Variants in ESCO2 observed in about 807,000 individuals in gnomAD.
ESCO2 encodes the protein establishment of sister chromatid cohesion N-acetyltransferase 2, also known as N-acetyltransferase ESCO2.
Under a neutral mutation model 61.7 loss-of-function variants are expected in ESCO2, and 51 were observed. The ratio of observed to expected loss-of-function variants is 0.83; its 90% CI spans 0.66 to 1.04. The LOEUF (loss-of-function observed/expected upper bound fraction) is 1.04. ESCO2 is among the 50% of genes least tolerant of loss of function. ESCO2 has a pLI of 0.00. For synonymous variants in ESCO2, 230 were observed against 238.2 expected, an observed-to-expected ratio of 0.97 and a Z score of 0.32; for missense variants, 692 against 686.2, an observed-to-expected ratio of 1.01 and a Z score of -0.09.
Position 27,803,388 on chromosome 8 carries a change from A to T in ESCO2, c.1756A>T (p.Thr586Ser). 6.2e-7 allele frequency: 1 copy of T among 1,614,024 alleles called. No individual in the cohort carries two copies. The highest frequency in any genetic ancestry group is 8.5e-7 in the Non-Finnish European group (1 of 1,179,906). ...AACACCAGATGGCAAGTTATTTGCA[A>T]CCAAGTACTGCAACACCCCTAATTT... ...DPTPDGKLFA[T>S]KYCNTPNFLV... The change falls in exon 11 of 11, where the codon ACC (threonine) becomes TCC (serine). Residue 586 changes from threonine to serine, a missense_variant. Thr to Ser is a moderately conservative substitution (Grantham distance 58, BLOSUM62 1). Coordinates refer to ENST00000305188, the MANE Select transcript of ESCO2 (RefSeq NM_001017420.3).
chr8:27,782,238 C>A (rs1037327797), intron 4 of ESCO2, among the ~76,000 whole-genome samples: 2 of 152,060 alleles, frequency 1.3e-5, no homozygotes, highest in Non-Finnish European at 2.9e-5. Flanking sequence ...TTAATTCATA[C>A]CCCTGTGAGA....
At chr8:27,782,961 A>T (rs1385990037) in intron 4 of ESCO2, among the ~76,000 whole-genome samples, 1 of 151,974 alleles carries the variant, frequency 6.6e-6, no homozygotes, top group Non-Finnish European at 1.5e-5. Flanking sequence ...CTACCTCAGT[A>T]GCCTGGTTGA....
intron 5 of ESCO2, among the ~76,000 whole-genome samples, chr8:27,785,291 C>T (rs1401783874): frequency 6.6e-6 from 1 of 152,200 alleles, no homozygotes. Flanking sequence ...GGCCCCACCT[C>T]CCAAAACTGT....
intron 4 of ESCO2, among the ~76,000 whole-genome samples, chr8:27,781,056 T>C (rs1363722114): frequency 1.3e-5 from 2 of 152,192 alleles, no homozygotes; most frequent in Non-Finnish European, 2.9e-5. Flanking sequence ...TTTAGTACAT[T>C]GTCTAAGTCA....
intron 5 of ESCO2, among the ~76,000 whole-genome samples, chr8:27,784,840 A>G (rs908359113): frequency 6.6e-6 from 1 of 152,186 alleles, no homozygotes; most frequent in Non-Finnish European, 1.5e-5. Context: ...TCCCGGCTAC[A>G]TTTTCCTTAC....
intron 9 of ESCO2, among the ~76,000 whole-genome samples, chr8:27,795,197 C>T (rs1188179226): frequency 1.3e-5 from 2 of 152,276 alleles, no homozygotes; most frequent in East Asian, 3.9e-4. Context: ...CATCTTCTTT[C>T]ATCAGTGTTT....
chr8:27,791,828 T>C, intron 7 of ESCO2, 135 bp from the exon 8 acceptor site: 1 of 781,676 alleles, frequency 1.3e-6, no homozygotes, highest in Non-Finnish European at 2.1e-6. Context: ...CACATTACTT[T>C]TAGTTGGATT....
intron 4 of ESCO2, 22 bp from the exon 5 acceptor site, chr8:27,783,978 A>T (rs758117001): frequency 1.9e-6 from 3 of 1,592,138 alleles, no homozygotes; most frequent in Non-Finnish European, 2.6e-6. Flanking sequence ...AATACACATT[A>T]TCATGATTTT....
At chr8:27,773,996 A>G (rs1199927234), upstream of ESCO2, among the ~76,000 whole-genome samples, 1 of 152,228 alleles carries the variant, frequency 6.6e-6, no homozygotes, top group Admixed American at 6.5e-5. Context: ...TAAGAAGTAA[A>G]TGAAACAAAA....
At chr8:27,772,192 G>C, upstream of ESCO2, 1 of 482,928 alleles carries the variant, frequency 2.1e-6, no homozygotes, top group Non-Finnish European at 3.7e-6. Context: ...CTTGGGATAA[G>C]GTGTGTGGAG....
intron 7 of ESCO2, 93 bp from the exon 8 acceptor site, chr8:27,791,870 T>C (rs1805182707): frequency 9.7e-7 from 1 of 1,033,116 alleles, no homozygotes; most frequent in Non-Finnish European, 1.5e-6. Flanking sequence ...TATTATTGTT[T>C]AGCCTTTTGT....
intron 5 of ESCO2, among the ~76,000 whole-genome samples, chr8:27,784,973 A>G (rs984906804): frequency 2.0e-5 from 3 of 152,094 alleles, no homozygotes; most frequent in South Asian, 2.1e-4. Context: ...GTCATCTTTC[A>G]TGACCTTTTA....
intron 1 of ESCO2, 74 bp from the exon 2 acceptor site, chr8:27,775,425 A>T: frequency 1.6e-6 from 2 of 1,264,920 alleles, no homozygotes; most frequent in Non-Finnish European, 2.3e-6. Flanking sequence ...GAAATAGACT[A>T]ATTAAAGGGG....
rs1262117826 is a variant in ESCO2, at chr8:27,792,741, TA to T, written c.1432del (p.Thr478LeufsTer11). 2 of 1,610,994 alleles carry T rather than the reference TA, an allele frequency of 1.2e-6. No individual in the cohort carries two copies. The highest frequency in any genetic ancestry group is 3.4e-5 in the Admixed American group (2 of 59,428). ...QQVVPKCPNKIKTFLFISDEK... is the reference protein window; with the variant it reads ...QQVVPKCPNKXKTFLFISDEK... ...GTTGTTCCTAAATGTCCAAACAAAATAAAAACTTTTCTTTTTATATCTGATG... is the reference window on the plus strand; with the variant it reads ...GTTGTTCCTAAATGTCCAAACAAAATAAAACTTTTCTTTTTATATCTGATG... On this transcript the variant is annotated frameshift_variant, in exon 9 of 11. Coordinates refer to ENST00000305188, the MANE Select transcript of ESCO2 (RefSeq NM_001017420.3). LOFTEE classifies it high-confidence loss of function.
downstream of ESCO2, among the ~76,000 whole-genome samples, chr8:27,806,661 C>G (rs1405775042): frequency 6.6e-6 from 1 of 151,294 alleles, no homozygotes; most frequent in African/African-American, 2.4e-5. Context: ...CTCTTGTTGC[C>G]CAGGCTGGAG....
At chr8:27,790,257 C>CT (rs1209096364) in intron 7 of ESCO2, among the ~76,000 whole-genome samples, 1 of 152,152 alleles carries the variant, frequency 6.6e-6, no homozygotes, top group Admixed American at 6.5e-5. Flanking sequence ...GCATGTTATC[C>CT]TTTATATATT....
rs1804790876 is a variant in ESCO2 at position 27,776,443 on chromosome 8, A to T, written c.135A>T (p.Glu45Asp). The T allele has an allele frequency of 6.2e-7, 1 of 1,606,932 alleles. No individual in the cohort carries two copies. The highest frequency in any genetic ancestry group is 1.7e-5 in the Admixed American group (1 of 58,330). The change falls in exon 3 of 11, where the codon GAA (glutamate) becomes GAT (aspartate). Residue 45 changes from glutamate to aspartate, a missense_variant. Glu to Asp is a conservative substitution (Grantham distance 45). Transcript: ENST00000305188. ...CFYQNSDKNE[E>D]NLHCSQQEHF... ...ATCAAAACAGTGATAAAAATGAAGA[A>T]AACCTGCATTGCTCTCAACAAGAGC...
intron 7 of ESCO2, among the ~76,000 whole-genome samples, chr8:27,790,056 G>T (rs1805142258): frequency 1.3e-5 from 2 of 152,144 alleles, no homozygotes; most frequent in South Asian, 2.1e-4. Flanking sequence ...GCTTTCTGTT[G>T]CACTAGGAAT....
chr8:27,785,272 C>T (rs1002855805), intron 5 of ESCO2, among the ~76,000 whole-genome samples: 3 of 152,206 alleles, frequency 2.0e-5, no homozygotes, highest in African/African-American at 7.2e-5. Flanking sequence ...AGCTAAACAC[C>T]TCTTATTAGG....
Sources: gnomAD v4.1 joint callset for allele counts (sites outside exome capture counted in the v4.1 genomes callset) on GRCh38, gnomAD v4.1.1 for gene constraint, MANE v1.5 for transcripts, NCBI Gene and HGNC (gene_info 2026-07-23, HGNC 2026-07-21) for gene names.